The following PARP10 variants were observed in gnomAD, a reference collection of about 807,000 sequenced individuals.
PARP10 encodes poly(ADP-ribose) polymerase family member 10, also known as protein mono-ADP-ribosyltransferase PARP10.
Under a neutral mutation model 82.4 loss-of-function variants are expected in PARP10, and 56 were observed. The observed-to-expected ratio is 0.68, with a 90% confidence interval of 0.55 to 0.85. The LOEUF (loss-of-function observed/expected upper bound fraction) is 0.85. PARP10 is among the 40% of genes least tolerant of loss of function. PARP10 has a pLI of 0.00. For synonymous variants in PARP10, 576 were observed against 601.1 expected (o/e 0.96, Z 0.61); for missense variants, 1,227 against 1,379.4 (o/e 0.89, Z 1.75).
upstream of PARP10, among the ~76,000 whole-genome samples, chr8:143,996,111 C>A (rs1232474638): frequency 6.6e-6 from 1 of 152,230 alleles, no homozygotes; most frequent in Non-Finnish European, 1.5e-5. Context: ...TAACACGACG[C>A]CCCAGGGTGT....
At chr8:143,978,876 T>G (rs1482314121) in intron 9 of PARP10, among the ~76,000 whole-genome samples, 1 of 151,612 alleles carries the variant, frequency 6.6e-6, no homozygotes, top group Non-Finnish European at 1.5e-5. Flanking sequence ...ACAAGATCCG[T>G]GAAATGCCAA....
rs376883893 is a variant in PARP10, at chr8:143,985,108, G to A, written c.894C>T (p.Gly298=). Residue 298 remains glycine (G), a synonymous_variant, in exon 5 of 11, where the codon GGC becomes GGT. Transcript: ENST00000313028. ...QGAGTVTMGS[G]EEPGQSGASL... is the part of the protein sequence containing the mutation. ...AGGCCCCTGACTGCCCTGGTTCCTCGCCAGAGCCCATTGTCACAGTCCCTG... is the reference window on the plus strand; with the variant it reads ...AGGCCCCTGACTGCCCTGGTTCCTCACCAGAGCCCATTGTCACAGTCCCTG... The A allele has an allele frequency of 2.9e-5, 47 of 1,613,778 alleles. No individual in the cohort carries two copies. Among genetic ancestry groups the A allele is most frequent in the African/African-American group, 1.6e-4 (12 of 74,912 alleles).
rs560590228 is a variant in PARP10, at chr8:143,978,792, G to C, written c.2557-711C>G. On this transcript the variant is annotated intron_variant, in intron 9 of 10. Coordinates refer to ENST00000313028, the MANE Select transcript of PARP10 (RefSeq NM_032789.5). The stretch of plus-strand genomic sequence containing the variant: ...GCCTGAGGTCTGAGCCGGCATAGCA[G>C]GAGCTCCACCGGCCGGAGCTCCAGC... Among the ~76,000 whole-genome samples, 14 of 152,164 alleles carry C rather than the reference G, an allele frequency of 9.2e-5. No homozygotes were observed. The East Asian group carries it at 2.7e-3, about 30-fold the overall frequency.
intron 1 of PARP10, among the ~76,000 whole-genome samples, chr8:143,997,921 C>G (rs1554751409): frequency 6.6e-6 from 1 of 151,896 alleles, no homozygotes; most frequent in Non-Finnish European, 1.5e-5. Context: ...GTAGCTGGGA[C>G]TATAGGTGCC....
chr8:144,012,548 G>A (rs781798699), exon 1 of PARP10: 22 of 1,551,776 alleles, frequency 1.4e-5, no homozygotes, highest in East Asian at 7.3e-5. Flanking sequence ...AAGGGCTTCG[G>A]CATCAGATAG....
upstream of PARP10, among the ~76,000 whole-genome samples, chr8:143,987,789 G>A (rs1554749673): frequency 6.6e-6 from 1 of 152,120 alleles, no homozygotes; most frequent in African/African-American, 2.4e-5. Context: ...TACTCAGGAG[G>A]CTGAGTCAGG....
At chr8:143,977,886 C>T in intron 10 of PARP10, 21 bp downstream of exon 10, 2 of 1,600,134 alleles carry the variant, frequency 1.2e-6, no homozygotes, top group Non-Finnish European at 1.7e-6. Flanking sequence ...AGCCCCCGCC[C>T]CTGCCCGGCT....
At chr8:144,006,193 C>A (rs1208380808) in intron 1 of PARP10, among the ~76,000 whole-genome samples, 1 of 152,228 alleles carries the variant, frequency 6.6e-6, no homozygotes, top group African/African-American at 2.4e-5. Flanking sequence ...TCCTGCGGGA[C>A]CCGTGATGTG....
Position 143,977,589 on chromosome 8 carries a change from G to A in PARP10, c.2973C>T (p.Phe991=), listed in dbSNP as rs1554746504. The stretch of plus-strand genomic sequence containing the variant: ...GGGTGGGCAGCGCCTGGGTGTCGTG[G>A]AAGATGACGAAGATGCTGGGCTGGC... The part of the protein sequence containing the change: ...CICQPSIFVI[F]HDTQALPTHL... Residue 991 remains phenylalanine (F), a synonymous_variant, in exon 11 of 11, where the codon TTC becomes TTT. Transcript: ENST00000313028. The A allele has an allele frequency of 6.3e-7, 1 of 1,579,922 alleles. No homozygotes were observed. Among genetic ancestry groups the A allele is most frequent in the East Asian group, 2.3e-5 (1 of 42,722 alleles).
In PARP10 at chr8:143,977,390, G is replaced by A; in HGVS notation, c.*94C>T. On this transcript the variant is annotated 3_prime_UTR_variant, in exon 11 of 11. Coordinates refer to ENST00000313028, the MANE Select transcript of PARP10 (RefSeq NM_032789.5). ...AGAGGGAGGCAGGGGCGTCCCCGGG[G>A]ACAGCTCAGGCGGCCACAGTTGGGG... 1.6e-6 allele frequency: 2 copies of A among 1,213,874 alleles called. No homozygotes were observed. Among genetic ancestry groups the A allele is most frequent in the Non-Finnish European group, 1.1e-6 (1 of 893,600 alleles). 75.2% of individuals were successfully genotyped at this position (1,213,874 alleles called of 1,614,324 possible).
intron 1 of PARP10, among the ~76,000 whole-genome samples, chr8:144,010,137 A>G (rs572968013): frequency 1.3e-5 from 2 of 152,180 alleles, no homozygotes; most frequent in East Asian, 1.9e-4. Flanking sequence ...ACACTCCCCA[A>G]CTGGATCTGG....
Position 143,983,422 on chromosome 8 carries a change from C to G in PARP10, c.2167G>C (p.Asp723His). 1.2e-6 allele frequency: 2 copies of G among 1,604,744 alleles called. No individual in the cohort carries two copies. Among genetic ancestry groups the G allele is most frequent in the Non-Finnish European group, 1.7e-6 (2 of 1,179,434 alleles). ...SAFEQDVEEL[D>H]RALRAALEVH... ...TCCAAGGCAGCCCTGAGCGCCCGGT[C>G]CAGCTCCTCCACATCCTGCTCAAAG... The change falls in exon 8 of 11, where the codon GAC becomes CAC. Residue 723 changes from aspartate (D) to histidine (H), a missense_variant. Transcript: ENST00000313028.
At position 143,977,552 on chromosome 8, in the gene PARP10, A is replaced by G; in HGVS notation, c.3010T>C (p.Cys1004Arg). 1 of 1,568,464 alleles carries G rather than the reference A, an allele frequency of 6.4e-7. No homozygotes were observed. Residue 1004 changes from cysteine to arginine, a missense_variant, in exon 11 of 11, where the codon TGC (cysteine) becomes CGC (arginine). Physicochemically the swap from Cys to Arg is radical, Grantham distance 180. Transcript: ENST00000313028. ...TQALPTHLIT[C>R]EHVPRASPDD... ...GGGGAAGCGCGGGGCACGTGCTCGCAGGTGATGAGGTGGGTGGGCAGCGCC... is the reference window on the plus strand; with the variant it reads ...GGGGAAGCGCGGGGCACGTGCTCGCGGGTGATGAGGTGGGTGGGCAGCGCC...
upstream of PARP10, among the ~76,000 whole-genome samples, chr8:143,995,293 G>A (rs573385046): frequency 6.6e-6 from 1 of 152,212 alleles, no homozygotes; most frequent in Non-Finnish European, 1.5e-5. Flanking sequence ...CTGTGAACAG[G>A]TGAAGTGGGC....
intron 1 of PARP10, chr8:144,012,371 C>A: frequency 1.5e-6 from 1 of 663,472 alleles, no homozygotes; most frequent in Non-Finnish European, 2.6e-6. Context: ...GAGGGCACAG[C>A]CTCTGACCTC....
Position 143,985,234 on chromosome 8 carries a change from A to T in PARP10, c.768T>A (p.Ala256=). The change falls in exon 5 of 11, where the codon GCT becomes GCA. Residue 256 remains alanine (A), a synonymous_variant. Transcript: ENST00000313028. ...GGTGGTCCCCTCCACTGGTGTTCTC[A>T]GCCAGCTCCTCGGGCTCCAGGATGT... ...HYDILEPEEL[A]ENTSGGDHPS... is the part of the protein sequence containing the mutation. 1 of 1,614,042 alleles carries T rather than the reference A, an allele frequency of 6.2e-7. No homozygotes were observed. The highest frequency in any genetic ancestry group is 8.5e-7 in the Non-Finnish European group (1 of 1,179,992).
In PARP10 at chr8:143,985,447, G is replaced by A. The variant is rs782471844; in HGVS notation, c.638C>T (p.Pro213Leu). ...PLEDLQRLPG[P>L]LGTVASFQQW... is the part of the protein sequence containing the mutation. ...CTGGAAGGAGGCAACAGTGCCCAGGGGCCCGGGTAGGCGTTGCAGGTCCTC... is the reference window on the plus strand; with the variant it reads ...CTGGAAGGAGGCAACAGTGCCCAGGAGCCCGGGTAGGCGTTGCAGGTCCTC... The change falls in exon 4 of 11, where the codon CCC becomes CTC. Residue 213 changes from proline to leucine, a missense_variant. Coordinates refer to ENST00000313028, the MANE Select transcript of PARP10 (RefSeq NM_032789.5). The A allele has an allele frequency of 6.2e-6, 10 of 1,611,764 alleles. No homozygotes were observed. Among genetic ancestry groups the A allele is most frequent in the Non-Finnish European group, 8.5e-6 (10 of 1,179,070 alleles).
At chr8:143,994,775 C>G (rs1237982364), upstream of PARP10, among the ~76,000 whole-genome samples, 8 of 152,162 alleles carry the variant, frequency 5.3e-5, no homozygotes, top group Non-Finnish European at 1.2e-4. Context: ...TCCCCCTTCC[C>G]CCACCTCCCC....
In PARP10 at chr8:143,983,746, G is replaced by GA; in HGVS notation, c.1842dup (p.Arg615SerfsTer21). ...TGAGGCCCTTCCTCCTCCAGCTCCC[G>GA]AGGCAGCCAGTCCTCCCCGTCTAGG... On this transcript the variant is annotated frameshift_variant, in exon 8 of 11. Transcript: ENST00000313028. LOFTEE classifies it high-confidence loss of function. 6.2e-7 allele frequency: 1 copy of GA among 1,612,202 alleles called. No individual in the cohort carries two copies. The highest frequency in any genetic ancestry group is 1.7e-4 in the Middle Eastern group (1 of 6,058).
Sources: allele counts gnomAD v4.1 joint callset (sites outside exome capture counted in the v4.1 genomes callset), GRCh38; gene constraint gnomAD v4.1.1; transcripts MANE v1.5; gene names NCBI Gene and HGNC (gene_info 2026-07-23, HGNC 2026-07-21).